The following RASA1 variants were observed in gnomAD, a reference collection of about 807,000 sequenced individuals.
RASA1 encodes RAS p21 protein activator 1.
Under a neutral mutation model 132.2 loss-of-function variants are expected in RASA1, and 25 were observed. The observed-to-expected ratio is 0.19, with a 90% confidence interval of 0.14 to 0.26. RASA1 has a LOEUF of 0.26. RASA1 is among the 10% of genes least tolerant of loss of function. The pLI is 1.00. For missense variants in RASA1, 964 were observed against 1,299.2 expected, an observed-to-expected ratio of 0.74 and a Z score of 3.97; for synonymous variants, 477 against 449.9, an observed-to-expected ratio of 1.06 and a Z score of -0.76.
At position 87,341,443 on chromosome 5, in the gene RASA1, G is replaced by A. The variant is rs545416711; in HGVS notation, c.1049+122G>A. Reference sequence around the variant, plus strand: ...TGGACTGACTTAACTTTTAAATTTGGCTTAGGGAACTGATTTCTAAATATT... The same window carrying A: ...TGGACTGACTTAACTTTTAAATTTGACTTAGGGAACTGATTTCTAAATATT... On this transcript the variant is annotated intron_variant, in intron 6 of 24. Coordinates refer to ENST00000274376, the MANE Select transcript of RASA1 (RefSeq NM_002890.3). The A allele has an allele frequency of 1.9e-5, 10 of 515,236 alleles. No individual in the cohort carries two copies. In the South Asian group the frequency reaches 2.8e-4, roughly 14 times the overall value. The allele number at this position is 515,236 out of a possible 1,614,324, so 31.9% of individuals were successfully genotyped here. A position where few individuals can be genotyped will look rare whatever the true frequency, so the allele number is the denominator to read the frequency against.
At chr5:87,309,254 A>G (rs1755758539) in intron 1 of RASA1, among the ~76,000 whole-genome samples, 1 of 152,128 alleles carries the variant, frequency 6.6e-6, no homozygotes, top group Non-Finnish European at 1.5e-5. Context: ...TATTTTGCAG[A>G]GAGGAGACAT....
intron 7 of RASA1, among the ~76,000 whole-genome samples, chr5:87,347,781 A>T (rs1458680178): frequency 6.6e-6 from 1 of 152,066 alleles, no homozygotes; most frequent in Admixed American, 6.6e-5. Context: ...AACTAAAATG[A>T]CATTCTGTCA....
In RASA1 at chr5:87,287,773, AC is replaced by A. The variant is rs1281107974; in HGVS notation, c.539+18785del. 1.4e-3 allele frequency among the ~76,000 whole-genome samples: 179 copies of A among 127,180 alleles called. 4 individuals carry two copies. Among genetic ancestry groups the A allele is most frequent in the African/African-American group, 5.1e-3 (173 of 33,900 alleles). 83.4% of individuals were successfully genotyped at this position (127,180 alleles called of 152,430 possible). A position where few individuals can be genotyped will look rare whatever the true frequency, so the allele number is the denominator to read the frequency against. On this transcript the variant is annotated intron_variant, in intron 1 of 24. Coordinates refer to ENST00000274376, the MANE Select transcript of RASA1 (RefSeq NM_002890.3). ...ACCATTATGTACACGCCATAGATAT[AC>A]CATATATGTACACGCCATATATATA...
intron 1 of RASA1, among the ~76,000 whole-genome samples, chr5:87,285,352 C>G (rs1028772262): frequency 6.6e-6 from 1 of 151,890 alleles, no homozygotes; most frequent in Non-Finnish European, 1.5e-5. Context: ...CAGGCGTGAG[C>G]CACCGCGCCT....
chr5:87,372,899 C>T (rs918948468), intron 13 of RASA1, among the ~76,000 whole-genome samples: 1 of 152,110 alleles, frequency 6.6e-6, no homozygotes, highest in South Asian at 2.1e-4. Context: ...TACTGTTCTA[C>T]TGGGAGTGGA....
chr5:87,326,896 C>T (rs1757271788), intron 1 of RASA1, among the ~76,000 whole-genome samples: 1 of 152,188 alleles, frequency 6.6e-6, no homozygotes, highest in South Asian at 2.1e-4. Context: ...CTCCTGTTCT[C>T]TTCCCCAAAT....
chr5:87,280,993 A>G (rs112900878), intron 1 of RASA1, among the ~76,000 whole-genome samples: 2,400 of 150,854 alleles, frequency 0.016, 43 homozygotes, highest in Middle Eastern at 0.069. Flanking sequence ...TTACCCAGTT[A>G]TCCACTGAAC....
chr5:87,296,305 T>C lies in RASA1; in HGVS notation c.539+27315T>C, dbSNP rs562939564. Among the ~76,000 whole-genome samples, 8 of 152,288 alleles carry C rather than the reference T, an allele frequency of 5.3e-5. No individual in the cohort carries two copies. The East Asian group carries it at 1.2e-3, about 22-fold the overall frequency. On this transcript the variant is annotated intron_variant, in intron 1 of 24. Coordinates refer to ENST00000274376, the MANE Select transcript of RASA1 (RefSeq NM_002890.3). ...TCTATCTTGTCATTCATTTCACTTATACATAGGCATACGCAAGCAGATACA... is the reference window on the plus strand; with the variant it reads ...TCTATCTTGTCATTCATTTCACTTACACATAGGCATACGCAAGCAGATACA...
intron 1 of RASA1, among the ~76,000 whole-genome samples, chr5:87,317,968 C>T (rs1204694060): frequency 6.6e-6 from 1 of 152,080 alleles, no homozygotes; most frequent in Admixed American, 6.6e-5. Flanking sequence ...CATTTTTTCC[C>T]ATTTTTTTTA....
chr5:87,387,291 G>C (rs1263193076), intron 23 of RASA1, among the ~76,000 whole-genome samples: 1 of 152,064 alleles, frequency 6.6e-6, no homozygotes, highest in Non-Finnish European at 1.5e-5. Context: ...TTCTGACCAG[G>C]TTAAATAAGT....
At chr5:87,369,631 TAA>T (rs968118754) in intron 11 of RASA1, among the ~76,000 whole-genome samples, 180 bp from the exon 12 acceptor site, 9 of 152,054 alleles carry the variant, frequency 5.9e-5, no homozygotes, top group Non-Finnish European at 8.8e-5. Flanking sequence ...AGTGCTGACA[TAA>T]AGTTTTCTAA....
rs1008107576 is a variant in RASA1 at position 87,268,215 on chromosome 5, T to C, written c.-237T>C. On this transcript the variant is annotated 5_prime_UTR_variant, in exon 1 of 25. Coordinates refer to ENST00000274376, the MANE Select transcript of RASA1 (RefSeq NM_002890.3). ...TGTGTGCGGTGAGGTTTGGGTGGCG[T>C]TTGTGCAGGCGTTGGGTTTTTTGCC... 3 of 580,260 alleles carry C rather than the reference T, an allele frequency of 5.2e-6. No homozygotes were observed. The African/African-American group carries it at 5.6e-5, about 11-fold the overall frequency. The allele number at this position is 580,260 out of a possible 1,614,324, so 35.9% of individuals were successfully genotyped here. A position where few individuals can be genotyped will look rare whatever the true frequency, so the allele number is the denominator to read the frequency against.
chr5:87,311,033 A>G (rs1426683299), intron 1 of RASA1, among the ~76,000 whole-genome samples: 1 of 152,134 alleles, frequency 6.6e-6, no homozygotes, highest in Non-Finnish European at 1.5e-5. Flanking sequence ...TCCTTTTAGT[A>G]TTTTGTGGGT....
At chr5:87,321,153 C>T (rs1335875665) in intron 1 of RASA1, among the ~76,000 whole-genome samples, 1 of 152,096 alleles carries the variant, frequency 6.6e-6, no homozygotes, top group Non-Finnish European at 1.5e-5. Flanking sequence ...AGAATAATTT[C>T]AATGATACTG....
intron 5 of RASA1, among the ~76,000 whole-genome samples, chr5:87,338,536 A>ATATATATATATATATATTT: frequency 2.3e-4 from 20 of 85,200 alleles, no homozygotes; most frequent in East Asian, 9.9e-4. Flanking sequence ...TATATATAAA[A>ATATATATATATATATATTT]TTTTTTTTTT....
chr5:87,293,262 T>TA (rs1267073116), intron 1 of RASA1, among the ~76,000 whole-genome samples: 2 of 152,022 alleles, frequency 1.3e-5, no homozygotes, highest in South Asian at 2.1e-4. Context: ...TTTTTTTTTT[T>TA]ATCAAGTTGA....
intron 5 of RASA1, 104 bp downstream of exon 5, chr5:87,338,195 A>G (rs1302466032): frequency 4.5e-6 from 7 of 1,546,312 alleles, no homozygotes; most frequent in East Asian, 4.6e-5. Flanking sequence ...TTCTTTTATA[A>G]AAGAACTTAA....
intron 5 of RASA1, among the ~76,000 whole-genome samples, chr5:87,338,509 A>T (rs1323361260): frequency 1.1e-5 from 1 of 90,044 alleles, no homozygotes; most frequent in Admixed American, 1.1e-4. Flanking sequence ...TTTTATATAT[A>T]TATATATATA....
intron 1 of RASA1, among the ~76,000 whole-genome samples, chr5:87,314,969 A>T (rs1756210788): frequency 6.6e-6 from 1 of 152,230 alleles, no homozygotes; most frequent in African/African-American, 2.4e-5. Context: ...ATCCTAAATA[A>T]AACATTTTTG....
Sources: gnomAD v4.1 joint callset for allele counts (sites outside exome capture counted in the v4.1 genomes callset) on GRCh38, gnomAD v4.1.1 for gene constraint, MANE v1.5 for transcripts, NCBI Gene and HGNC (gene_info 2026-07-23, HGNC 2026-07-21) for gene names.